The following GALNT15 variants were observed in gnomAD, a reference collection of about 807,000 sequenced individuals.
GALNT15 encodes the protein UDP-GalNAc transferase T15.
A neutral mutation model predicts 66.8 loss-of-function variants in GALNT15; 67 were observed. The observed-to-expected ratio is 1.00, with a 90% CI of 0.82 to 1.23. The LOEUF is 1.23. Ranked by LOEUF, GALNT15 falls within the 50% of genes most tolerant of loss-of-function variation. The pLI is 0.00. For synonymous variants in GALNT15, 313 were observed against 311.5 expected (o/e 1.00, Z -0.05); for missense variants, 827 against 804.3 (o/e 1.03, Z -0.34).
intron 6 of GALNT15, among the ~76,000 whole-genome samples, chr3:16,214,217 AT>A (rs1265692729): frequency 6.6e-6 from 1 of 152,228 alleles, no homozygotes; most frequent in Non-Finnish European, 1.5e-5. Context: ...ACTAGCTAGC[AT>A]CTTTGTTCTT....
In GALNT15 at chr3:16,222,689, G is replaced by A; in HGVS notation, c.1704G>A (p.Glu568=). The A allele has an allele frequency of 6.2e-7, 1 of 1,614,252 alleles. No homozygotes were observed. Among genetic ancestry groups the A allele is most frequent in the Non-Finnish European group, 8.5e-7 (1 of 1,180,036 alleles). Residue 568 remains glutamate, a synonymous_variant, in exon 9 of 10, where the codon GAG becomes GAA. Coordinates refer to ENST00000339732, the MANE Select transcript of GALNT15 (RefSeq NM_054110.5). ...ACCTGTGCTTTGCTGTCAGGCAGGA[G>A]CAGGTGATTCTTCAGAACTGCACGG... The part of the protein sequence containing the change: ...PQHLCFAVRQ[E]QVILQNCTEE...
chr3:16,190,319 C>T (rs1574973692), intron 1 of GALNT15, among the ~76,000 whole-genome samples: 1 of 152,140 alleles, frequency 6.6e-6, no homozygotes, highest in African/African-American at 2.4e-5. Flanking sequence ...CCTCAGGCTC[C>T]CCCTCCAGCC....
chr3:16,231,389 T>C (rs2064080431), downstream of GALNT15, among the ~76,000 whole-genome samples: 1 of 152,236 alleles, frequency 6.6e-6, no homozygotes, highest in South Asian at 2.1e-4. This position sits in a 1 kb window ranked among gnomAD's most constrained non-coding sequence, Gnocchi z 4.1. Context: ...ACATGAAATG[T>C]GCTCTTTGGA....
chr3:16,204,647 A>C lies in GALNT15; in HGVS notation c.911+3824A>C, dbSNP rs1250668154. Among the ~76,000 whole-genome samples, 1 of 152,168 alleles carries C rather than the reference A, an allele frequency of 6.6e-6. No individual in the cohort carries two copies. The highest frequency in any genetic ancestry group is 1.5e-5 in the Non-Finnish European group (1 of 68,032). On this transcript the variant is annotated intron_variant, in intron 3 of 9. Coordinates refer to ENST00000339732, the MANE Select transcript of GALNT15 (RefSeq NM_054110.5). This position sits in a 1 kb window ranked among gnomAD's most constrained non-coding sequence, Gnocchi z 4.5. ...TACCCCTGGAAGGATGAAGGTTTCT[A>C]AGGGGAAAGGGACAGTCTTGAAAGG...
At chr3:16,236,102 C>T, downstream of GALNT15, among the ~76,000 whole-genome samples, 1 of 3,158 alleles carries the variant, frequency 3.2e-4, no homozygotes, top group Non-Finnish European at 8.3e-4. Flanking sequence ...AAGACTATGT[C>T]TCAAAAAAAA....
rs140894749 is a variant in GALNT15, at chr3:16,222,497, G to A, written c.1630-118G>A. On this transcript the variant is annotated intron_variant, in intron 8 of 9. Transcript: ENST00000339732. ...CATGAGATATGGTCTTTCTGACCCCGATAGAATCTGAAGATTGCCCCTAGA... is the reference window on the plus strand; with the variant it reads ...CATGAGATATGGTCTTTCTGACCCCAATAGAATCTGAAGATTGCCCCTAGA... The A allele has an allele frequency of 2.4e-4, 297 of 1,250,056 alleles. No homozygotes were observed. The African/African-American group carries it at 3.5e-3, about 15-fold the overall frequency. The allele number at this position is 1,250,056 out of a possible 1,614,324, so 77.4% of individuals were successfully genotyped here. A position where few individuals can be genotyped will look rare whatever the true frequency, so the allele number is the denominator to read the frequency against.
chr3:16,219,525 C>T lies in GALNT15; in HGVS notation c.1515C>T (p.Phe505=). The T allele has an allele frequency of 1.2e-6, 2 of 1,614,112 alleles. No homozygotes were observed. The highest frequency in any genetic ancestry group is 2.2e-5 in the South Asian group (2 of 91,060). Residue 505 remains phenylalanine, a synonymous_variant, in exon 7 of 10, where the codon TTC becomes TTT. Transcript: ENST00000339732. This position sits in a 1 kb window ranked among gnomAD's most constrained non-coding sequence, Gnocchi z 4.3. ...ELYPSEPRPS[F]SGKLHNTGLG... ...ACCCATCTGAACCCAGGCCCAGTTT[C>T]TCTGGAAAGGCAAGGCATGACCCAG...
At chr3:16,216,924 T>G (rs181115962) in intron 6 of GALNT15, among the ~76,000 whole-genome samples, 5 of 152,014 alleles carry the variant, frequency 3.3e-5, no homozygotes, top group Admixed American at 6.5e-5. Context: ...GTTGGGAGAC[T>G]GCCGTTCCCT....
chr3:16,175,687 C>A lies in GALNT15; in HGVS notation c.536C>A (p.Pro179Gln). The A allele has an allele frequency of 1.9e-6, 3 of 1,576,292 alleles. No homozygotes were observed. The highest frequency in any genetic ancestry group is 2.6e-6 in the Non-Finnish European group (3 of 1,160,812). ...AGGGCTCTGCCCGAGGTGCGGCACC[C>A]ACTGTAAGTAAGGCCCTTGTTTTCC... is the stretch of plus-strand genomic sequence containing the variant. ...LQRALPEVRH[P>Q]LCLQQHPQDS... The change falls in exon 1 of 10, where the codon CCA becomes CAA. Residue 179 changes from proline to glutamine, a missense_variant. Pro to Gln is a moderately conservative substitution (Grantham distance 76). Transcript: ENST00000339732. The surrounding 1 kb of genome is among the most constrained non-coding windows in gnomAD (Gnocchi z 5.6).
chr3:16,210,464 C>T (rs1275415066), intron 4 of GALNT15, among the ~76,000 whole-genome samples: 1 of 152,194 alleles, frequency 6.6e-6, no homozygotes, highest in East Asian at 1.9e-4. Flanking sequence ...TGGCTGCATT[C>T]AAATTTGTTC....
chr3:16,192,552 A>T (rs2124856105), intron 1 of GALNT15, among the ~76,000 whole-genome samples: 1 of 152,254 alleles, frequency 6.6e-6, no homozygotes, highest in African/African-American at 2.4e-5. Flanking sequence ...CCCTGGGTTT[A>T]CCCAAATGCA....
downstream of GALNT15, among the ~76,000 whole-genome samples, chr3:16,231,480 G>A (rs115089605): frequency 0.014 from 2,188 of 152,166 alleles, 65 homozygotes; most frequent in African/African-American, 0.049. This position sits in a 1 kb window ranked among gnomAD's most constrained non-coding sequence, Gnocchi z 4.1. Context: ...GGTATGGGAT[G>A]TTTATATTTT....
the GALNT15 span, among the ~76,000 whole-genome samples, chr3:16,241,075 T>A: frequency 6.6e-6 from 1 of 152,198 alleles, no homozygotes. The surrounding 1 kb of genome is among the most constrained non-coding windows in gnomAD (Gnocchi z 4.6). Flanking sequence ...AGGGTCTTCC[T>A]CGAACCCCCG....
chr3:16,229,846 G>A lies in GALNT15; in HGVS notation c.*2346G>A. The A allele has an allele frequency of 1.6e-6, 1 of 611,202 alleles. No individual in the cohort carries two copies. The highest frequency in any genetic ancestry group is 2.0e-6 in the Non-Finnish European group (1 of 488,150). The allele number at this position is 611,202 out of a possible 1,614,324, so 37.9% of individuals were successfully genotyped here. On this transcript the variant is annotated 3_prime_UTR_variant, in exon 10 of 10. Coordinates refer to ENST00000339732, the MANE Select transcript of GALNT15 (RefSeq NM_054110.5). The stretch of plus-strand genomic sequence containing the variant: ...ATGGTGTTTCTTGCTTCCTTAACCA[G>A]CTCCATGATTTATTACTTTATTGCA...
the GALNT15 span, among the ~76,000 whole-genome samples, chr3:16,241,860 A>G: frequency 5.6e-3 from 858 of 152,298 alleles, 7 homozygotes; most frequent in African/African-American, 0.02. This position sits in a 1 kb window ranked among gnomAD's most constrained non-coding sequence, Gnocchi z 4.6. Flanking sequence ...AACAGCAACT[A>G]TTATGGCTCA....
intron 1 of GALNT15, among the ~76,000 whole-genome samples, chr3:16,190,288 G>T (rs1223806958): frequency 6.6e-6 from 1 of 152,120 alleles, no homozygotes; most frequent in Non-Finnish European, 1.5e-5. Context: ...TGTTGTCTGG[G>T]AGCTAAACAG....
chr3:16,232,938 C>T (rs986974917), downstream of GALNT15, among the ~76,000 whole-genome samples: 7 of 151,742 alleles, frequency 4.6e-5, no homozygotes, highest in South Asian at 8.4e-4. Context: ...TGAGTAGCAA[C>T]GATTCCAGTA....
intron 4 of GALNT15, 87 bp downstream of exon 4, chr3:16,208,757 A>G: frequency 1.3e-5 from 15 of 1,197,558 alleles, no homozygotes; most frequent in Non-Finnish European, 3.6e-6. Context: ...TCCTACCTCC[A>G]CAGTTTCCTA....
chr3:16,220,208 C>T, intron 8 of GALNT15, 194 bp downstream of exon 8: 1 of 582,742 alleles, frequency 1.7e-6, no homozygotes, highest in Non-Finnish European at 3.1e-6. Context: ...TAAGCACAGA[C>T]ATGTGCCATT....
Sources: allele counts gnomAD v4.1 joint callset (sites outside exome capture counted in the v4.1 genomes callset), GRCh38; gene constraint gnomAD v4.1.1; non-coding constraint Gnocchi (gnomAD v3.1); transcripts MANE v1.5; gene names NCBI Gene and HGNC (gene_info 2026-07-23, HGNC 2026-07-21).